HMGCS2: variants seen among roughly 807,000 people sequenced by gnomAD.
HMGCS2 encodes the protein hydroxymethylglutaryl-CoA synthase, mitochondrial.
Under a neutral mutation model 57.4 loss-of-function variants are expected in HMGCS2, and 50 were observed. The observed-to-expected ratio is 0.87, with a 90% CI of 0.69 to 1.10. The LOEUF (loss-of-function observed/expected upper bound fraction) is 1.10, where lower values mean the gene tolerates loss of function less well. HMGCS2 is among the 50% of genes least tolerant of loss of function. The pLI, the probability that HMGCS2 is intolerant of heterozygous loss-of-function variation, is 0.00. For synonymous variants in HMGCS2, 254 were observed against 245.1 expected (o/e 1.04, Z -0.34); for missense variants, 627 against 636.5 (o/e 0.99, Z 0.16).
Position 119,759,997 on chromosome 1 carries a change from G to A in HMGCS2, c.560-8C>T, listed in dbSNP as rs750120810. 1.9e-6 allele frequency: 3 copies of A among 1,613,342 alleles called. No individual in the cohort carries two copies. In the African/African-American group the frequency reaches 4.0e-5, roughly 22 times the overall value. On this transcript the variant is annotated splice_polypyrimidine_tract_variant and splice_region_variant and intron_variant, in intron 2 of 9. Transcript: ENST00000369406. ...CCACCATGGCATAACGACCTGTAAA[G>A]AGAAACAAGAAATATTTACCATCAT...
Position 119,759,896 on chromosome 1 carries a change from A to G in HMGCS2, c.653T>C (p.Ile218Thr), listed in dbSNP as rs369834382. ...CAGGGCCAGAGGGGCCTTGGGCCCAATCAGCATAGCCACAGCTCCGGCCCC... is the reference window on the plus strand; with the variant it reads ...CAGGGCCAGAGGGGCCTTGGGCCCAGTCAGCATAGCCACAGCTCCGGCCCC... ...TGGAGAVAML[I>T]GPKAPLALER... Residue 218 changes from isoleucine to threonine, a missense_variant, in exon 3 of 10, where the codon ATT (isoleucine) becomes ACT (threonine). Ile to Thr is a moderately conservative substitution (Grantham distance 89). Transcript: ENST00000369406. 1.9e-6 allele frequency: 3 copies of G among 1,614,082 alleles called. No homozygotes were observed. In the African/African-American group the frequency reaches 4.0e-5, roughly 22 times the overall value.
intron 9 of HMGCS2, among the ~76,000 whole-genome samples, chr1:119,750,014 C>G (rs1008595713): frequency 6.6e-6 from 1 of 152,140 alleles, no homozygotes; most frequent in African/African-American, 2.4e-5. Context: ...AGAATATCTC[C>G]CATTTCTCCT....
Position 119,764,420 on chromosome 1 carries a change from G to C in HMGCS2, c.311C>G (p.Ser104Cys). The change falls in exon 2 of 10, where the codon TCC becomes TGC. Residue 104 changes from serine (S) to cysteine (C), a missense_variant. Transcript: ENST00000369406. ...GFCSVQEDINSLCLTVVQRLM... is the reference protein window; with the variant it reads ...GFCSVQEDINCLCLTVVQRLM... ...CCGTTGCACCACCGTCAGGCACAGG[G>C]AGTTGATGTCCTCTTGGACTGAGCA... 1 of 1,614,232 alleles carries C rather than the reference G, an allele frequency of 6.2e-7. No homozygotes were observed. Among genetic ancestry groups the C allele is most frequent in the Non-Finnish European group, 8.5e-7 (1 of 1,180,044 alleles).
intron 3 of HMGCS2, 130 bp downstream of exon 3, chr1:119,759,734 T>C (rs1018920074): frequency 8.7e-7 from 1 of 1,155,462 alleles, no homozygotes; most frequent in African/African-American, 1.5e-5. Context: ...GACCAGCCCT[T>C]TTTAGAGGCA....
chr1:119,761,881 T>A (rs1244592131), intron 2 of HMGCS2, among the ~76,000 whole-genome samples: 1 of 152,202 alleles, frequency 6.6e-6, no homozygotes, highest in Admixed American at 6.5e-5. Context: ...TCAAAAACAT[T>A]ATAATTTTAC....
intron 9 of HMGCS2, among the ~76,000 whole-genome samples, chr1:119,750,520 T>C (rs1183592294): frequency 6.6e-6 from 1 of 152,240 alleles, no homozygotes; most frequent in Non-Finnish European, 1.5e-5. Flanking sequence ...AGAGTTTTAA[T>C]TGGTCTTTAT....
chr1:119,759,929 G>A lies in HMGCS2; in HGVS notation c.620C>T (p.Pro207Leu). ...IAVYPSGNARPTGGAGAVAML... is the reference protein window; with the variant it reads ...IAVYPSGNARLTGGAGAVAML... Reference sequence around the variant, plus strand: ...AGCCACAGCTCCGGCCCCACCTGTGGGACGAGCATTACCACTGGGATAGAC... The same window carrying A: ...AGCCACAGCTCCGGCCCCACCTGTGAGACGAGCATTACCACTGGGATAGAC... The change falls in exon 3 of 10, where the codon CCC becomes CTC. Residue 207 changes from proline (P) to leucine (L), a missense_variant. Physicochemically the swap from Pro to Leu is moderately conservative, Grantham distance 98. Coordinates refer to ENST00000369406, the MANE Select transcript of HMGCS2 (RefSeq NM_005518.4). 1 of 1,614,140 alleles carries A rather than the reference G, an allele frequency of 6.2e-7. No homozygotes were observed.
intron 4 of HMGCS2, among the ~76,000 whole-genome samples, chr1:119,757,783 T>C (rs1306861990): frequency 6.6e-6 from 1 of 152,244 alleles, no homozygotes; most frequent in African/African-American, 2.4e-5. Context: ...AGGCTGGCTT[T>C]GGATTCAGGT....
At position 119,764,353 on chromosome 1, in the gene HMGCS2, C is replaced by G. The variant is rs1393101212; in HGVS notation, c.378G>C (p.Arg126Ser). The change falls in exon 2 of 10, where the codon AGG becomes AGC. Residue 126 changes from arginine (R) to serine (S), a missense_variant. Arg to Ser is a moderately radical substitution (Grantham distance 110, BLOSUM62 -1). Transcript: ENST00000369406. ...RIQLPWDSVGRLEVGTETIID... is the reference protein window; with the variant it reads ...RIQLPWDSVGSLEVGTETIID... ...TGATGGTCTCAGTGCCTACTTCCAG[C>G]CTGCCCACAGAGTCCCATGGGAGCT... is the stretch of plus-strand genomic sequence containing the variant. The G allele has an allele frequency of 6.2e-7, 1 of 1,614,254 alleles. No individual in the cohort carries two copies. The highest frequency in any genetic ancestry group is 2.2e-5 in the East Asian group (1 of 44,886).
chr1:119,749,125 C>A (rs914340202), intron 9 of HMGCS2, among the ~76,000 whole-genome samples: 1 of 152,190 alleles, frequency 6.6e-6, no homozygotes, highest in Non-Finnish European at 1.5e-5. Flanking sequence ...TAGAGCTCCA[C>A]CATGAGCACT....
At chr1:119,753,434 C>T in intron 6 of HMGCS2, 48 bp from the exon 7 acceptor site, 1 of 817,392 alleles carries the variant, frequency 1.2e-6, no homozygotes, top group Non-Finnish European at 2.2e-6. Context: ...CACACACACA[C>T]ACACACACAC....
At position 119,764,471 on chromosome 1, in the gene HMGCS2, C is replaced by T. The variant is rs768463219; in HGVS notation, c.260G>A (p.Gly87Asp). ...GAAGCCCATACGGGTCTGGCCCAAGCCCACTGTATACTTTCCTGCTTCCAC... is the reference window on the plus strand; with the variant it reads ...GAAGCCCATACGGGTCTGGCCCAAGTCCACTGTATACTTTCCTGCTTCCAC... ...NNVEAGKYTVGLGQTRMGFCS... is the reference protein window; with the variant it reads ...NNVEAGKYTVDLGQTRMGFCS... Residue 87 changes from glycine (G) to aspartate (D), a missense_variant, in exon 2 of 10, where the codon GGC becomes GAC. Gly to Asp is a moderately conservative substitution (Grantham distance 94). Coordinates refer to ENST00000369406, the MANE Select transcript of HMGCS2 (RefSeq NM_005518.4). The T allele has an allele frequency of 3.7e-5, 59 of 1,612,484 alleles. No individual in the cohort carries two copies. The highest frequency in any genetic ancestry group is 4.9e-5 in the Non-Finnish European group (58 of 1,178,760).
At position 119,764,453 on chromosome 1, in the gene HMGCS2, A is replaced by T; in HGVS notation, c.278T>A (p.Met93Lys). 8 of 1,613,564 alleles carry T rather than the reference A, an allele frequency of 5.0e-6. No homozygotes were observed. Among genetic ancestry groups the T allele is most frequent in the Non-Finnish European group, 6.8e-6 (8 of 1,179,464 alleles). ...KYTVGLGQTR[M>K]GFCSVQEDIN... ...GTCCTCTTGGACTGAGCAGAAGCCC[A>T]TACGGGTCTGGCCCAAGCCCACTGT... Residue 93 changes from methionine (M) to lysine (K), a missense_variant, in exon 2 of 10, where the codon ATG becomes AAG. Coordinates refer to ENST00000369406, the MANE Select transcript of HMGCS2 (RefSeq NM_005518.4).
chr1:119,765,210 A>T (rs1047372862), intron 1 of HMGCS2, among the ~76,000 whole-genome samples: 1 of 152,070 alleles, frequency 6.6e-6, no homozygotes, highest in Non-Finnish European at 1.5e-5. Context: ...CTGGGTTCAC[A>T]CCATTCTCCT....
intron 2 of HMGCS2, among the ~76,000 whole-genome samples, chr1:119,763,671 G>A (rs1653115959): frequency 6.6e-6 from 1 of 152,210 alleles, no homozygotes; most frequent in Admixed American, 6.5e-5. Context: ...TATGCAAGGA[G>A]CCACCTAAGG....
chr1:119,752,774 C>A, intron 7 of HMGCS2, 100 bp from the exon 8 acceptor site: 1 of 1,361,998 alleles, frequency 7.3e-7, no homozygotes, highest in South Asian at 1.2e-5. Flanking sequence ...GGAGGTTACA[C>A]CCTGGAGGAA....
At chr1:119,761,432 A>T (rs773835583) in intron 2 of HMGCS2, among the ~76,000 whole-genome samples, 4 of 152,128 alleles carry the variant, frequency 2.6e-5, no homozygotes, top group Non-Finnish European at 4.4e-5. Context: ...CTTACAATCA[A>T]CAAAAATCAA....
intron 9 of HMGCS2, among the ~76,000 whole-genome samples, chr1:119,750,151 A>C (rs1652601746): frequency 6.6e-6 from 1 of 152,176 alleles, no homozygotes; most frequent in African/African-American, 2.4e-5. Flanking sequence ...CCCTTAGCCT[A>C]AAACTCCCTC....
intron 2 of HMGCS2, among the ~76,000 whole-genome samples, chr1:119,761,779 T>G (rs975196582): frequency 4.1e-5 from 6 of 145,450 alleles, no homozygotes; most frequent in African/African-American, 1.3e-4. Context: ...AATAAATAAA[T>G]AAAAAATAAA....
Sources: allele counts gnomAD v4.1 joint callset (sites outside exome capture counted in the v4.1 genomes callset), GRCh38; gene constraint gnomAD v4.1.1; transcripts MANE v1.5; gene names NCBI Gene and HGNC (gene_info 2026-07-23, HGNC 2026-07-21).